The following CSMD1 variants were observed in gnomAD, a reference collection of about 807,000 sequenced individuals.
The protein encoded by CSMD1 is CUB and sushi domain-containing protein 1.
CSMD1 carries 213 observed loss-of-function variants against 417.5 expected under a neutral mutation model. The observed-to-expected ratio is 0.51, with a 90% CI of 0.46 to 0.57. The LOEUF (loss-of-function observed/expected upper bound fraction) is 0.57, where lower values mean the gene tolerates loss of function less well. CSMD1 is among the 20% of genes least tolerant of loss of function. CSMD1 has a pLI of 0.00. For synonymous variants in CSMD1, 2,862 were observed against 1,736.8 expected (o/e 1.65, Z -16.11); for missense variants, 6,923 against 4,529.7 (o/e 1.53, Z -15.17).
chr8:3,661,108 T>C (rs62474684), intron 7 of CSMD1, among the ~76,000 whole-genome samples: 1 of 152,092 alleles, frequency 6.6e-6, no homozygotes. Flanking sequence ...TTCCATCTGT[T>C]AAAGCAAACT....
chr8:4,226,236 A>C (rs900866917), intron 3 of CSMD1, among the ~76,000 whole-genome samples: 7 of 152,204 alleles, frequency 4.6e-5, no homozygotes, highest in African/African-American at 1.7e-4. Flanking sequence ...CAGCAAAAAC[A>C]AAAAGTAAAA....
At chr8:4,033,644 C>G (rs1051936101) in intron 3 of CSMD1, among the ~76,000 whole-genome samples, 1 of 152,152 alleles carries the variant, frequency 6.6e-6, no homozygotes, top group Non-Finnish European at 1.5e-5. Flanking sequence ...CTCCTGAGGG[C>G]TGCGTCATGG....
At chr8:4,007,582 G>C (rs555009718) in intron 4 of CSMD1, among the ~76,000 whole-genome samples, 4 of 152,188 alleles carry the variant, frequency 2.6e-5, no homozygotes, top group African/African-American at 7.2e-5. Context: ...TGCGTGCTGA[G>C]TGCAAAGCAA....
At chr8:4,422,886 T>C (rs1177419967) in intron 2 of CSMD1, among the ~76,000 whole-genome samples, 4 of 152,060 alleles carry the variant, frequency 2.6e-5, no homozygotes, top group Non-Finnish European at 4.4e-5. Context: ...TGAAAATTAA[T>C]CCATATAATC....
intron 1 of CSMD1, among the ~76,000 whole-genome samples, chr8:4,738,333 T>C (rs1037989651): frequency 5.3e-5 from 8 of 152,174 alleles, no homozygotes; most frequent in Non-Finnish European, 1.0e-4. Context: ...CATTTCAGCA[T>C]GGGCGAAGAG....
intron 3 of CSMD1, among the ~76,000 whole-genome samples, chr8:4,256,130 G>A (rs1240110308): frequency 6.6e-6 from 1 of 152,186 alleles, no homozygotes; most frequent in Admixed American, 6.5e-5. Flanking sequence ...TGCTTTCTGA[G>A]CAGTACTAAT....
chr8:3,683,235 A>T (rs1018347266), intron 7 of CSMD1, among the ~76,000 whole-genome samples: 1 of 151,590 alleles, frequency 6.6e-6, no homozygotes. Flanking sequence ...ATAAAATAAT[A>T]AAAAATAAAT....
intron 3 of CSMD1, among the ~76,000 whole-genome samples, chr8:4,303,422 G>T (rs4875316): frequency 0.054 from 4,590 of 85,488 alleles, 234 homozygotes; most frequent in South Asian, 0.081. Flanking sequence ...GCAGGAAGCT[G>T]TTTTTTTTTT....
intron 3 of CSMD1, among the ~76,000 whole-genome samples, chr8:4,361,599 T>C (rs1030841836): frequency 4.6e-5 from 7 of 152,284 alleles, no homozygotes; most frequent in Admixed American, 1.3e-4. Context: ...GTTGCCCTAT[T>C]TTATACTCCC....
chr8:4,972,552 G>A (rs1810305522), intron 1 of CSMD1, among the ~76,000 whole-genome samples: 1 of 152,086 alleles, frequency 6.6e-6, no homozygotes, highest in Non-Finnish European at 1.5e-5. Flanking sequence ...CCCAGCCATG[G>A]GGAACTGTGA....
chr8:4,439,067 G>A (rs1431262959), intron 2 of CSMD1, among the ~76,000 whole-genome samples: 2 of 152,024 alleles, frequency 1.3e-5, no homozygotes, highest in Admixed American at 1.3e-4. Context: ...AGGTCTTATT[G>A]GCGCCATCCT....
intron 2 of CSMD1, among the ~76,000 whole-genome samples, chr8:4,522,447 C>A (rs971782499): frequency 6.6e-6 from 1 of 152,134 alleles, no homozygotes; most frequent in Non-Finnish European, 1.5e-5. Context: ...CACCCACAAT[C>A]AGATGAGCAA....
At chr8:3,142,436 G>A (rs780886253) in intron 41 of CSMD1, 29 bp downstream of exon 41, 1 of 1,551,344 alleles carries the variant, frequency 6.4e-7, no homozygotes, top group South Asian at 1.1e-5. Flanking sequence ...ATTTAGATTT[G>A]GGTTTCGGTT....
chr8:4,335,821 C>G (rs993165801), intron 3 of CSMD1, among the ~76,000 whole-genome samples: 3 of 152,032 alleles, frequency 2.0e-5, no homozygotes, highest in African/African-American at 7.2e-5. Context: ...TACAACATTA[C>G]TCAGCCCAGG....
intron 1 of CSMD1, among the ~76,000 whole-genome samples, chr8:4,901,053 G>T (rs1563715804): frequency 6.6e-6 from 1 of 152,178 alleles, no homozygotes; most frequent in African/African-American, 2.4e-5. Context: ...ATTGTCAAAA[G>T]GAGATTACAC....
rs1188335602 is a variant in CSMD1 at position 3,942,145 on chromosome 8, A to C, written c.818+55758T>G. On this transcript the variant is annotated intron_variant, in intron 5 of 69. Transcript: ENST00000635120. ...GCTGAGATGGGATCGTCACCCCCAG[A>C]TGGGACCATCTAGTTGCAGGAAAAC... 2.4e-4 allele frequency among the ~76,000 whole-genome samples: 37 copies of C among 151,952 alleles called. 1 individual carries two copies. Among genetic ancestry groups the C allele is most frequent in the Non-Finnish European group, 1.5e-5 (1 of 67,988 alleles).
chr8:4,702,620 T>A (rs1307948255), intron 1 of CSMD1, among the ~76,000 whole-genome samples: 1 of 152,148 alleles, frequency 6.6e-6, no homozygotes, highest in East Asian at 1.9e-4. Flanking sequence ...TCATTACCAG[T>A]CCAGAACACA....
At chr8:3,601,743 C>G (rs902092388) in intron 8 of CSMD1, among the ~76,000 whole-genome samples, 1 of 152,150 alleles carries the variant, frequency 6.6e-6, no homozygotes, top group Non-Finnish European at 1.5e-5. Flanking sequence ...GAATAACAAC[C>G]AGTGCATTGA....
chr8:3,392,254 A>G (rs185778955), intron 17 of CSMD1, among the ~76,000 whole-genome samples: 35 of 152,274 alleles, frequency 2.3e-4, no homozygotes, highest in Non-Finnish European at 4.0e-4. Flanking sequence ...TTAAAGTATA[A>G]TAAAAAAATA....
Sources: allele counts gnomAD v4.1 joint callset (sites outside exome capture counted in the v4.1 genomes callset), GRCh38; gene constraint gnomAD v4.1.1; transcripts MANE v1.5; gene names NCBI Gene and HGNC (gene_info 2026-07-23, HGNC 2026-07-21).